The following GABPA variants were observed in gnomAD, a reference collection of about 807,000 sequenced individuals.
The protein encoded by GABPA is GA-binding protein alpha chain.
A neutral mutation model predicts 59.4 loss-of-function variants in GABPA; 4 were observed. The ratio of observed to expected loss-of-function variants is 0.07; its 90% CI spans 0.03 to 0.15. The LOEUF (loss-of-function observed/expected upper bound fraction) is 0.15. Among genes scored for constraint, GABPA ranks in the 10% least tolerant of loss-of-function variants. The probability of loss-of-function intolerance (pLI) is 1.00; values close to 1 mark genes in which losing one functional copy is unlikely to be tolerated. For synonymous variants in GABPA, 164 were observed against 183.1 expected (o/e 0.90, Z 0.84); for missense variants, 251 against 543.8 (o/e 0.46, Z 5.36).
At chr21:25,744,973 C>T (rs2035325054) in intron 2 of GABPA, among the ~76,000 whole-genome samples, 1 of 152,070 alleles carries the variant, frequency 6.6e-6, no homozygotes, top group Admixed American at 6.6e-5. Flanking sequence ...TATGTACATA[C>T]ATAATGAGGC....
intron 9 of GABPA, 81 bp from the exon 10 acceptor site, chr21:25,768,902 ATGCAGTACTCTACTAGGCTTC>A (rs2035955137): frequency 1.3e-5 from 9 of 694,084 alleles, no homozygotes; most frequent in Non-Finnish European, 2.3e-5. Context: ...ATTGTGGCGG[ATGCAGTACTCTACTAGGCTTC>A]TGCTTATGGA....
chr21:25,762,299 T>C lies in GABPA; in HGVS notation c.749-13T>C, dbSNP rs758437387. 12 of 1,498,126 alleles carry C rather than the reference T, an allele frequency of 8.0e-6. No homozygotes were observed. The highest frequency in any genetic ancestry group is 2.3e-5 in the East Asian group (1 of 43,746). 92.8% of individuals were successfully genotyped at this position (1,498,126 alleles called of 1,614,324 possible). On this transcript the variant is annotated splice_polypyrimidine_tract_variant and intron_variant, in intron 6 of 9. Coordinates refer to ENST00000400075, the MANE Select transcript of GABPA (RefSeq NM_002040.4). ...GGTTTTAAATAAAAACAAAAAATTT[T>C]TGTTTTTTTCAGATGTATTGGCAAG...
chr21:25,757,354 A>G (rs1033040180), intron 5 of GABPA, among the ~76,000 whole-genome samples: 1 of 152,184 alleles, frequency 6.6e-6, no homozygotes, highest in African/African-American at 2.4e-5. Context: ...AAGGAAAATT[A>G]TTTGGATATA....
rs552945274 is a variant in GABPA, at chr21:25,771,090, C to T, written c.*1858C>T. On this transcript the variant is annotated 3_prime_UTR_variant, in exon 10 of 10. Transcript: ENST00000400075. ...AGAAAGGTTTTGCACCATCCTCTTA[C>T]GGCCTAGAGAGTTGACAAGTTGCTT... The T allele has an allele frequency of 3.9e-5, 6 of 152,004 alleles. No homozygotes were observed. In the South Asian group the frequency reaches 6.2e-4, roughly 16 times the overall value. The allele number at this position is 152,004 out of a possible 1,614,324, so 9.4% of individuals were successfully genotyped here.
intron 1 of GABPA, among the ~76,000 whole-genome samples, chr21:25,740,657 A>C (rs183872500): frequency 2.0e-4 from 30 of 152,260 alleles, no homozygotes; most frequent in African/African-American, 7.0e-4. Flanking sequence ...GGGATAATTA[A>C]AAACTGAAGT....
Position 25,771,605 on chromosome 21 carries a change from T to C in GABPA, c.*2373T>C, listed in dbSNP as rs1011184180. The C allele has an allele frequency of 1.3e-5, 2 of 152,002 alleles. No homozygotes were observed. Among genetic ancestry groups the C allele is most frequent in the African/African-American group, 4.8e-5 (2 of 41,446 alleles). The allele number at this position is 152,002 out of a possible 1,614,324, so 9.4% of individuals were successfully genotyped here. ...AGGTAGTTTTTTTCTTCTATTAAAA[T>C]ATAACATTGTGAAAGAAAATAAAAT... On this transcript the variant is annotated 3_prime_UTR_variant, in exon 10 of 10. Coordinates refer to ENST00000400075, the MANE Select transcript of GABPA (RefSeq NM_002040.4).
At position 25,770,958 on chromosome 21, in the gene GABPA, CAG is replaced by C. The variant is rs1353819051; in HGVS notation, c.*1728_*1729del. The C allele has an allele frequency of 1.3e-5, 2 of 151,934 alleles. No individual in the cohort carries two copies. Among genetic ancestry groups the C allele is most frequent in the Admixed American group, 6.6e-5 (1 of 15,248 alleles). The allele number at this position is 151,934 out of a possible 1,614,324, so 9.4% of individuals were successfully genotyped here. A position where few individuals can be genotyped will look rare whatever the true frequency, so the allele number is the denominator to read the frequency against. On this transcript the variant is annotated 3_prime_UTR_variant, in exon 10 of 10. Transcript: ENST00000400075. Reference sequence around the variant, plus strand: ...ACTTTTTTGAAAGAGAATATATGGACAGATTATTAGTACAATTTGGGCACTGT... The same window carrying C: ...ACTTTTTTGAAAGAGAATATATGGACATTATTAGTACAATTTGGGCACTGT...
rs749264162 is a variant in GABPA at position 25,735,019 on chromosome 21, G to A, written c.-586G>A. The A allele has an allele frequency of 3.6e-5, 55 of 1,517,582 alleles. No individual in the cohort carries two copies. The highest frequency in any genetic ancestry group is 2.6e-4 in the South Asian group (22 of 83,574). The allele number at this position is 1,517,582 out of a possible 1,614,324, so 94.0% of individuals were successfully genotyped here. A position where few individuals can be genotyped will look rare whatever the true frequency, so the allele number is the denominator to read the frequency against. The stretch of plus-strand genomic sequence containing the variant: ...AGGAAGCGTCTCGGAGACAGTCTGC[G>A]ACCGGACGGGTCTAGGTGAGACAGA... On this transcript the variant is annotated 5_prime_UTR_variant, in exon 1 of 10. Transcript: ENST00000400075.
At chr21:25,765,282 A>C (rs1456658537) in intron 9 of GABPA, among the ~76,000 whole-genome samples, 1 of 152,100 alleles carries the variant, frequency 6.6e-6, no homozygotes, top group Non-Finnish European at 1.5e-5. Flanking sequence ...ATGGAAATTC[A>C]ACAGGTACAT....
chr21:25,750,984 A>G (rs2035494689), intron 4 of GABPA, among the ~76,000 whole-genome samples: 1 of 152,172 alleles, frequency 6.6e-6, no homozygotes, highest in African/African-American at 2.4e-5. Flanking sequence ...GTTTTCACAG[A>G]AGATCGAAGT....
intron 9 of GABPA, among the ~76,000 whole-genome samples, chr21:25,765,049 T>C (rs1256846459): frequency 6.6e-6 from 1 of 151,904 alleles, no homozygotes; most frequent in Non-Finnish European, 1.5e-5. Context: ...AAATGTTTAA[T>C]TTTTGAGGTT....
At chr21:25,764,842 T>C in intron 9 of GABPA, 55 bp downstream of exon 9, 8 of 1,303,106 alleles carry the variant, frequency 6.1e-6, no homozygotes, top group Non-Finnish European at 8.3e-6. Flanking sequence ...TTCTAAAAAA[T>C]AGTTTCTTAT....
chr21:25,764,959 A>G (rs1226551654), intron 9 of GABPA, among the ~76,000 whole-genome samples, 172 bp downstream of exon 9: 1 of 143,732 alleles, frequency 7.0e-6, no homozygotes, highest in Admixed American at 6.9e-5. Context: ...ATTTCGAGGT[A>G]CAGTTTTTTT....
chr21:25,771,329 G>A lies in GABPA; in HGVS notation c.*2097G>A, dbSNP rs1354452910. On this transcript the variant is annotated 3_prime_UTR_variant, in exon 10 of 10. Transcript: ENST00000400075. ...GAATGAAAATTTTTTTCTCATCTATGCAATTCCCATATGGTTTTTTTTTAA... is the reference window on the plus strand; with the variant it reads ...GAATGAAAATTTTTTTCTCATCTATACAATTCCCATATGGTTTTTTTTTAA... 3 of 128,940 alleles carry A rather than the reference G, an allele frequency of 2.3e-5. No homozygotes were observed. Among genetic ancestry groups the A allele is most frequent in the African/African-American group, 7.6e-5 (3 of 39,356 alleles). 8.0% of individuals were successfully genotyped at this position (128,940 alleles called of 1,614,324 possible). A position where few individuals can be genotyped will look rare whatever the true frequency, so the allele number is the denominator to read the frequency against.
chr21:25,745,788 T>G (rs2035346980), intron 3 of GABPA, among the ~76,000 whole-genome samples: 1 of 152,170 alleles, frequency 6.6e-6, no homozygotes, highest in African/African-American at 2.4e-5. Context: ...GGATAAGAAT[T>G]TAAATATCAA....
intron 7 of GABPA, chr21:25,762,852 T>C: frequency 5.0e-6 from 1 of 200,128 alleles, no homozygotes. Context: ...AGTTTTCATT[T>C]GGTGGGAGTT....
chr21:25,760,320 C>T (rs1374294174), intron 6 of GABPA, among the ~76,000 whole-genome samples: 2 of 152,170 alleles, frequency 1.3e-5, no homozygotes, highest in Non-Finnish European at 2.9e-5. Flanking sequence ...GTAGTTAGTA[C>T]TCTGGTCCCT....
intron 1 of GABPA, among the ~76,000 whole-genome samples, chr21:25,740,262 G>A (rs2035185894): frequency 6.6e-6 from 1 of 152,338 alleles, no homozygotes; most frequent in African/African-American, 2.4e-5. Context: ...GATGCTCGGC[G>A]AGTAATGGTT....
chr21:25,738,901 G>C (rs1265197947), intron 1 of GABPA, among the ~76,000 whole-genome samples: 1 of 151,714 alleles, frequency 6.6e-6, no homozygotes, highest in African/African-American at 2.4e-5. Context: ...GAAAAGGAAG[G>C]CTTATTAGAC....
Sources: allele counts gnomAD v4.1 joint callset (sites outside exome capture counted in the v4.1 genomes callset), GRCh38; gene constraint gnomAD v4.1.1; transcripts MANE v1.5; gene names NCBI Gene and HGNC (gene_info 2026-07-23, HGNC 2026-07-21).